The following PRUNE2 variants were observed in gnomAD, a reference collection of about 807,000 sequenced individuals.
PRUNE2 encodes the protein protein prune homolog 2.
A neutral mutation model predicts 252.0 loss-of-function variants in PRUNE2; 164 were observed. That is an observed-to-expected ratio of 0.65 (90% confidence interval 0.57 to 0.74). The LOEUF is 0.74. Among genes scored for constraint, PRUNE2 ranks in the 30% least tolerant of loss-of-function variants. PRUNE2 has a pLI of 0.00. For synonymous variants in PRUNE2, 1,292 were observed against 1,350.2 expected, an observed-to-expected ratio of 0.96 and a Z score of 0.94; for missense variants, 3,495 against 3,711.0, an observed-to-expected ratio of 0.94 and a Z score of 1.51.
At chr9:76,806,104 G>A (rs1387815708) in intron 6 of PRUNE2, among the ~76,000 whole-genome samples, 2 of 152,072 alleles carry the variant, frequency 1.3e-5, no homozygotes, top group South Asian at 2.1e-4. Context: ...TTCAAAGTGC[G>A]GTCTCTGAAC....
At chr9:76,627,588 T>G (rs1482276163) in intron 16 of PRUNE2, among the ~76,000 whole-genome samples, 1 of 152,144 alleles carries the variant, frequency 6.6e-6, no homozygotes, top group East Asian at 1.9e-4. Context: ...TGAGCCCAGC[T>G]GACCACCGGA....
chr9:76,796,415 G>C (rs867270163), intron 6 of PRUNE2, among the ~76,000 whole-genome samples: 1 of 152,128 alleles, frequency 6.6e-6, no homozygotes, highest in Non-Finnish European at 1.5e-5. Context: ...AGAAACATGC[G>C]TGGTGAGAAA....
Position 76,906,021 on chromosome 9 carries a change from C to G in PRUNE2, c.-58G>C. On this transcript the variant is annotated 5_prime_UTR_variant, in exon 1 of 19. Transcript: ENST00000376718. ...GGAGGGGCGCAGTGGAAAATCTCGG[C>G]CCAAGGAAGACGAGCGGGGTCCCGG... is the stretch of plus-strand genomic sequence containing the variant. 3.8e-6 allele frequency: 6 copies of G among 1,586,620 alleles called. No individual in the cohort carries two copies. The highest frequency in any genetic ancestry group is 5.2e-6 in the Non-Finnish European group (6 of 1,155,648).
chr9:76,615,309 G>A (rs1828913569), intron 18 of PRUNE2: 1 of 870,622 alleles, frequency 1.1e-6, no homozygotes, highest in South Asian at 5.3e-5. Context: ...TGCGATAAAA[G>A]AGAAACTATT....
At chr9:76,735,650 T>C (rs2049011622) in intron 6 of PRUNE2, among the ~76,000 whole-genome samples, 2 of 152,158 alleles carry the variant, frequency 1.3e-5, no homozygotes, top group Non-Finnish European at 2.9e-5. Context: ...GTTGATATTA[T>C]CATATGCAAA....
chr9:76,847,694 G>C (rs1033636839), intron 3 of PRUNE2, among the ~76,000 whole-genome samples: 1 of 152,174 alleles, frequency 6.6e-6, no homozygotes, highest in Non-Finnish European at 1.5e-5. Flanking sequence ...AGGAAGAAAA[G>C]TTTGGATCAA....
chr9:76,721,080 C>G (rs1450662708), intron 6 of PRUNE2, among the ~76,000 whole-genome samples: 1 of 152,142 alleles, frequency 6.6e-6, no homozygotes, highest in Non-Finnish European at 1.5e-5. Flanking sequence ...CCAGCCTGGG[C>G]AACAGAGCGA....
chr9:76,772,052 T>C (rs1293936971), intron 6 of PRUNE2, among the ~76,000 whole-genome samples: 6 of 152,174 alleles, frequency 3.9e-5, no homozygotes, highest in Non-Finnish European at 5.9e-5. Flanking sequence ...AAACTACCTT[T>C]TAACCCAAGA....
intron 4 of PRUNE2, among the ~76,000 whole-genome samples, chr9:76,842,331 A>G (rs1275154249): frequency 2.0e-5 from 3 of 152,250 alleles, no homozygotes; most frequent in Non-Finnish European, 2.9e-5. Context: ...CCTTACAAAA[A>G]TTAACTCAAG....
chr9:76,852,622 A>C (rs1001573884), intron 2 of PRUNE2, among the ~76,000 whole-genome samples: 3 of 152,240 alleles, frequency 2.0e-5, no homozygotes, highest in African/African-American at 4.8e-5. Flanking sequence ...TTGAAAATTT[A>C]AATGGAGACA....
At chr9:76,726,314 C>T (rs111870601) in intron 6 of PRUNE2, among the ~76,000 whole-genome samples, 1,855 of 152,240 alleles carry the variant, frequency 0.012, 38 homozygotes, top group African/African-American at 0.042. Context: ...GAGTCACTTC[C>T]TAGAAGAGGG....
At chr9:76,870,055 A>G (rs1205175484) in intron 1 of PRUNE2, among the ~76,000 whole-genome samples, 1 of 152,218 alleles carries the variant, frequency 6.6e-6, no homozygotes, top group East Asian at 1.9e-4. Context: ...CTGTTATAGT[A>G]GAAGAATATT....
chr9:76,661,359 C>T (rs1851352736), intron 9 of PRUNE2, among the ~76,000 whole-genome samples: 1 of 152,226 alleles, frequency 6.6e-6, no homozygotes, highest in Non-Finnish European at 1.5e-5. Context: ...TCTCCTGCCT[C>T]AGCCTCCCAA....
At position 76,705,666 on chromosome 9, in the gene PRUNE2, A is replaced by G. The variant is rs1314773284; in HGVS notation, c.6608T>C (p.Leu2203Ser). The G allele has an allele frequency of 6.2e-7, 1 of 1,613,900 alleles. No individual in the cohort carries two copies. The highest frequency in any genetic ancestry group is 8.5e-7 in the Non-Finnish European group (1 of 1,179,898). ...SEINGDNSTG[L>S]QVSEKGASPD... Reference sequence around the variant, plus strand: ...GCTGGCTCCTTTTTCTGATACTTGTAAACCTGTACTGTTGTCACCGTTTAT... The same window carrying G: ...GCTGGCTCCTTTTTCTGATACTTGTGAACCTGTACTGTTGTCACCGTTTAT... The change falls in exon 8 of 19, where the codon TTA becomes TCA. Residue 2203 changes from leucine (L) to serine (S), a missense_variant. Physicochemically the swap from Leu to Ser is moderately radical, Grantham distance 145. Coordinates refer to ENST00000376718, the MANE Select transcript of PRUNE2 (RefSeq NM_015225.3).
chr9:76,822,545 C>T (rs368259005), intron 6 of PRUNE2, among the ~76,000 whole-genome samples: 45 of 152,266 alleles, frequency 3.0e-4, no homozygotes, highest in Non-Finnish European at 4.4e-4. Flanking sequence ...TGGTGGCTCA[C>T]GCCAGTAATC....
intron 9 of PRUNE2, chr9:76,692,500 T>C (rs538561906): frequency 2.4e-5 from 5 of 205,192 alleles, no homozygotes; most frequent in Non-Finnish European, 9.8e-6. Flanking sequence ...AGCACATACC[T>C]ATATGACAGC....
chr9:76,722,232 T>TC (rs879290341), intron 6 of PRUNE2, among the ~76,000 whole-genome samples: 2,092 of 151,510 alleles, frequency 0.014, 49 homozygotes, highest in African/African-American at 0.046. Flanking sequence ...CTATTTTTTT[T>TC]TTTTTTTTTG....
At chr9:76,823,266 T>A in intron 6 of PRUNE2, 1 of 160,156 alleles carries the variant, frequency 6.2e-6, no homozygotes, top group Non-Finnish European at 1.4e-5. Flanking sequence ...TTTTTTTTTT[T>A]AAGAAAAGTT....
intron 1 of PRUNE2, among the ~76,000 whole-genome samples, chr9:76,885,451 T>C (rs1293991834): frequency 2.0e-5 from 3 of 149,788 alleles, no homozygotes; most frequent in Non-Finnish European, 4.5e-5. Flanking sequence ...TCTCACCCCA[T>C]TCCTAGGCAC....
Sources: allele counts gnomAD v4.1 joint callset (sites outside exome capture counted in the v4.1 genomes callset), GRCh38; gene constraint gnomAD v4.1.1; transcripts MANE v1.5; gene names NCBI Gene and HGNC (gene_info 2026-07-23, HGNC 2026-07-21).